The following RCVRN variants were observed in gnomAD, a reference collection of about 807,000 sequenced individuals.
RCVRN encodes the protein cancer associated retinopathy antigen.
In RCVRN, 23 loss-of-function variants were observed where a neutral mutation model predicts 20.4. That is an observed-to-expected ratio of 1.13 (90% CI 0.81 to 1.60). The LOEUF is 1.60. RCVRN is among the 40% of genes most tolerant of loss of function. The pLI is 0.00. For missense variants in RCVRN, 254 were observed against 254.2 expected, an observed-to-expected ratio of 1.00 and a Z score of 0.00; for synonymous variants, 105 against 105.9, an observed-to-expected ratio of 0.99 and a Z score of 0.05.
intron 1 of RCVRN, among the ~76,000 whole-genome samples, chr17:9,902,293 T>A (rs567008361): frequency 6.6e-6 from 1 of 152,154 alleles, no homozygotes; most frequent in East Asian, 1.9e-4. Flanking sequence ...TGTGCCAAGA[T>A]AACAATGAGA....
chr17:9,900,458 T>A (rs4791907), intron 2 of RCVRN, among the ~76,000 whole-genome samples: 10,487 of 152,156 alleles, frequency 0.069, 1,349 homozygotes, highest in East Asian at 0.55. Flanking sequence ...GTCTCGGGCA[T>A]TACTTACCTA....
chr17:9,900,950 G>T, intron 2 of RCVRN, 39 bp downstream of exon 2: 1 of 1,271,664 alleles, frequency 7.9e-7, no homozygotes, highest in Non-Finnish European at 1.1e-6. Context: ...AACAGCCCAT[G>T]GTTGAAAAAT....
Position 9,899,561 on chromosome 17 carries a change from G to A in RCVRN, c.494-1357C>T, listed in dbSNP as rs557230417. On this transcript the variant is annotated intron_variant, in intron 2 of 2. Transcript: ENST00000226193. This position sits in a 1 kb window ranked among gnomAD's most constrained non-coding sequence, Gnocchi z 4.6. ...ACATGAACGGACCCAGAGGGAGGTC[G>A]CGAAGCCAGTTAAGGAGCCAGTGGG... Among the ~76,000 whole-genome samples the A allele has an allele frequency of 3.9e-5, 6 of 152,322 alleles. No individual in the cohort carries two copies. Among genetic ancestry groups the A allele is most frequent in the South Asian group, 2.1e-4 (1 of 4,824 alleles).
chr17:9,897,930 G>T lies in RCVRN; in HGVS notation c.*165C>A. 1.6e-6 allele frequency: 1 copy of T among 613,504 alleles called. No homozygotes were observed. Among genetic ancestry groups the T allele is most frequent in the African/African-American group, 1.9e-5 (1 of 54,006 alleles). 38.0% of individuals were successfully genotyped at this position (613,504 alleles called of 1,614,324 possible). ...TCACTACAGATGCTTCAGTTTGGCA[G>T]GGAGCTGTGCTGTGGGCTTGTGTGC... On this transcript the variant is annotated 3_prime_UTR_variant, in exon 3 of 3. Coordinates refer to ENST00000226193, the MANE Select transcript of RCVRN (RefSeq NM_002903.3).
rs2067332399 is a variant in RCVRN, at chr17:9,899,462, C to T, written c.494-1258G>A. ...GAGTAACACGTCGACCTCGGGGCTT[C>T]TGACGTCATCCCCTCCCGGGATGTT... On this transcript the variant is annotated intron_variant, in intron 2 of 2. Transcript: ENST00000226193. This position sits in a 1 kb window ranked among gnomAD's most constrained non-coding sequence, Gnocchi z 4.6. Among the ~76,000 whole-genome samples, 1 of 152,238 alleles carries T rather than the reference C, an allele frequency of 6.6e-6. No individual in the cohort carries two copies. The highest frequency in any genetic ancestry group is 2.4e-5 in the African/African-American group (1 of 41,460).
chr17:9,898,230 GT>G, intron 2 of RCVRN, 26 bp from the exon 3 acceptor site: 2 of 1,418,270 alleles, frequency 1.4e-6, no homozygotes, highest in Non-Finnish European at 2.0e-6. Flanking sequence ...AAATATATAC[GT>G]ACATAAAACA....
chr17:9,898,601 G>C (rs2067329012), intron 2 of RCVRN, among the ~76,000 whole-genome samples: 1 of 152,188 alleles, frequency 6.6e-6, no homozygotes, highest in Non-Finnish European at 1.5e-5. Context: ...AAGTTCAGGA[G>C]GAGCTTCTGG....
rs1464079793 is a variant in RCVRN at position 9,904,988 on chromosome 17, A to G, written c.193T>C (p.Tyr65His). The G allele has an allele frequency of 3.1e-6, 5 of 1,614,158 alleles. No homozygotes were observed. The highest frequency in any genetic ancestry group is 4.2e-6 in the Non-Finnish European group (5 of 1,180,034). ...AAGCTGCGGAACACATGCTGGGCGT[A>G]GGCCTTGGGGTCGGTGTCGGGGAAG... The part of the protein sequence containing the change: ...KFFPDTDPKA[Y>H]AQHVFRSFDS... The change falls in exon 1 of 3, where the codon TAC becomes CAC. Residue 65 changes from tyrosine to histidine, a missense_variant. Coordinates refer to ENST00000226193, the MANE Select transcript of RCVRN (RefSeq NM_002903.3). This position sits in a 1 kb window ranked among gnomAD's most constrained non-coding sequence, Gnocchi z 5.8.
chr17:9,899,146 G>T lies in RCVRN; in HGVS notation c.494-942C>A, dbSNP rs146531130. 6.6e-6 allele frequency among the ~76,000 whole-genome samples: 1 copy of T among 152,308 alleles called. No homozygotes were observed. Among genetic ancestry groups the T allele is most frequent in the East Asian group, 1.9e-4 (1 of 5,180 alleles). ...CATGAGACAGATGCTCCTTTCTGTT[G>T]TATGTTCACAGTGCCTAGCACAGAG... On this transcript the variant is annotated intron_variant, in intron 2 of 2. Transcript: ENST00000226193. This position sits in a 1 kb window ranked among gnomAD's most constrained non-coding sequence, Gnocchi z 4.6.
Position 9,904,713 on chromosome 17 carries a change from A to G in RCVRN, c.381+87T>C. On this transcript the variant is annotated intron_variant, in intron 1 of 2. Transcript: ENST00000226193. This position sits in a 1 kb window ranked among gnomAD's most constrained non-coding sequence, Gnocchi z 5.8. ...CATCCCCCGCTCCACCCACAGATCC[A>G]CTCCCTCTGCAGCAGCTGCAGCAGG... 6.8e-7 allele frequency: 1 copy of G among 1,466,386 alleles called. No homozygotes were observed. The highest frequency in any genetic ancestry group is 2.3e-5 in the East Asian group (1 of 43,998). 90.8% of individuals were successfully genotyped at this position (1,466,386 alleles called of 1,614,324 possible). A position where few individuals can be genotyped will look rare whatever the true frequency, so the allele number is the denominator to read the frequency against.
Sources: allele counts gnomAD v4.1 joint callset (sites outside exome capture counted in the v4.1 genomes callset), GRCh38; gene constraint gnomAD v4.1.1; non-coding constraint Gnocchi (gnomAD v3.1); transcripts MANE v1.5; gene names NCBI Gene and HGNC (gene_info 2026-07-23, HGNC 2026-07-21).